The following TRABD2B variants were observed in gnomAD, a reference collection of about 807,000 sequenced individuals.
TRABD2B encodes metalloprotease TIKI2.
Under a neutral mutation model 40.1 loss-of-function variants are expected in TRABD2B, and 14 were observed. That is an observed-to-expected ratio of 0.35 (90% confidence interval 0.23 to 0.55). TRABD2B has a LOEUF of 0.55. Among genes scored for constraint, TRABD2B ranks in the 20% least tolerant of loss-of-function variants. The probability of loss-of-function intolerance (pLI) is 0.90; values close to 1 mark genes in which losing one functional copy is unlikely to be tolerated. For synonymous variants in TRABD2B, 263 were observed against 277.0 expected, an observed-to-expected ratio of 0.95 and a Z score of 0.50; for missense variants, 541 against 648.6, an observed-to-expected ratio of 0.83 and a Z score of 1.80.
chr1:47,776,609 T>G (rs59616637), intron 5 of TRABD2B, among the ~76,000 whole-genome samples: 3,034 of 152,250 alleles, frequency 0.02, 99 homozygotes, highest in African/African-American at 0.068. Flanking sequence ...TTTTATTCTT[T>G]CCTCTCCATG....
intron 2 of TRABD2B, among the ~76,000 whole-genome samples, chr1:47,951,108 T>C (rs1477937862): frequency 6.6e-6 from 1 of 152,180 alleles, no homozygotes; most frequent in African/African-American, 2.4e-5. Context: ...GCTGGACTGA[T>C]GGGCTGAGAC....
Position 47,994,680 on chromosome 1 carries a change from G to A in TRABD2B, c.103-83C>T. ...GGTAGCCCAGAGGCACGTTGCAGAG[G>A]GAGGTGGGGATGGGAGGCAGAGACC... On this transcript the variant is annotated intron_variant, in intron 1 of 6. Coordinates refer to ENST00000606738, the MANE Select transcript of TRABD2B (RefSeq NM_001194986.2). The surrounding 1 kb of genome is among the most constrained non-coding windows in gnomAD (Gnocchi z 6.7). 1.6e-6 allele frequency: 2 copies of A among 1,288,128 alleles called. No homozygotes were observed. The highest frequency in any genetic ancestry group is 2.9e-5 in the South Asian group (2 of 68,490). The allele number at this position is 1,288,128 out of a possible 1,614,324, so 79.8% of individuals were successfully genotyped here. A position where few individuals can be genotyped will look rare whatever the true frequency, so the allele number is the denominator to read the frequency against.
chr1:47,809,645 C>A (rs1233250844), intron 2 of TRABD2B, among the ~76,000 whole-genome samples: 1 of 152,228 alleles, frequency 6.6e-6, no homozygotes, highest in Non-Finnish European at 1.5e-5. Flanking sequence ...CTTGCCCCAT[C>A]GGCAGCACCA....
chr1:47,941,131 C>A (rs1383259596), intron 2 of TRABD2B, among the ~76,000 whole-genome samples: 1 of 152,216 alleles, frequency 6.6e-6, no homozygotes, highest in African/African-American at 2.4e-5. Flanking sequence ...ACCTCTGAGA[C>A]TCTCACCCTG....
chr1:47,801,811 G>A (rs1171919896), intron 2 of TRABD2B, among the ~76,000 whole-genome samples, 192 bp from the exon 3 acceptor site: 4 of 152,178 alleles, frequency 2.6e-5, no homozygotes, highest in African/African-American at 7.2e-5. Flanking sequence ...AGCACGTTCA[G>A]CCTGCTCTCA....
Position 47,867,146 on chromosome 1 carries a change from A to G in TRABD2B, c.667-65527T>C, listed in dbSNP as rs535067983. 3.3e-5 allele frequency among the ~76,000 whole-genome samples: 5 copies of G among 152,360 alleles called. No individual in the cohort carries two copies. The East Asian group carries it at 9.6e-4, about 29-fold the overall frequency. ...TTGGCTGTCATGTTTGCAGTGGCAC[A>G]TCTGCTTACACATGAGAAAACATGG... is the stretch of plus-strand genomic sequence containing the variant. On this transcript the variant is annotated intron_variant, in intron 2 of 6. Coordinates refer to ENST00000606738, the MANE Select transcript of TRABD2B (RefSeq NM_001194986.2).
At chr1:47,871,566 G>A (rs1644141365) in intron 2 of TRABD2B, among the ~76,000 whole-genome samples, 1 of 152,158 alleles carries the variant, frequency 6.6e-6, no homozygotes, top group African/African-American at 2.4e-5. Flanking sequence ...TCTGTGGGCT[G>A]GTTCCTGCAA....
At chr1:47,779,044 C>T (rs1423177641) in intron 4 of TRABD2B, among the ~76,000 whole-genome samples, 1 of 152,190 alleles carries the variant, frequency 6.6e-6, no homozygotes, top group African/African-American at 2.4e-5. Flanking sequence ...GCAACTCAGG[C>T]CTCCCTCCTT....
chr1:47,830,387 C>A (rs1270803440), intron 2 of TRABD2B, among the ~76,000 whole-genome samples: 1 of 152,210 alleles, frequency 6.6e-6, no homozygotes, highest in Non-Finnish European at 1.5e-5. Flanking sequence ...GCATTTGCTA[C>A]CAAGAAATGA....
intron 2 of TRABD2B, among the ~76,000 whole-genome samples, chr1:47,913,091 G>C (rs1014172841): frequency 2.6e-5 from 4 of 152,146 alleles, no homozygotes; most frequent in Non-Finnish European, 4.4e-5. Context: ...TCCATGCTCT[G>C]TAGCCCTCTC....
intron 4 of TRABD2B, among the ~76,000 whole-genome samples, chr1:47,794,218 T>C (rs1008853716): frequency 1.3e-5 from 2 of 152,176 alleles, no homozygotes; most frequent in Non-Finnish European, 2.9e-5. Flanking sequence ...CCTCTCCCTC[T>C]GGGGCCACAT....
At chr1:47,846,476 G>A (rs1456206710) in intron 2 of TRABD2B, among the ~76,000 whole-genome samples, 2 of 152,208 alleles carry the variant, frequency 1.3e-5, no homozygotes, top group African/African-American at 4.8e-5. Flanking sequence ...TATGACCATA[G>A]CTGGGGCTGT....
intron 2 of TRABD2B, among the ~76,000 whole-genome samples, chr1:47,870,502 T>A (rs966416110): frequency 6.6e-6 from 1 of 152,172 alleles, no homozygotes; most frequent in African/African-American, 2.4e-5. Flanking sequence ...CACCCACCTA[T>A]GTCTGTCTGT....
chr1:47,919,556 G>A (rs1183822005), intron 2 of TRABD2B, among the ~76,000 whole-genome samples: 1 of 152,242 alleles, frequency 6.6e-6, no homozygotes, highest in Non-Finnish European at 1.5e-5. Flanking sequence ...GCTGACTGTG[G>A]GGAAATCAGC....
At position 47,817,409 on chromosome 1, in the gene TRABD2B, G is replaced by C. The variant is rs548688072; in HGVS notation, c.667-15790C>G. 3.3e-5 allele frequency among the ~76,000 whole-genome samples: 5 copies of C among 152,076 alleles called. No homozygotes were observed. The East Asian group carries it at 9.8e-4, about 30-fold the overall frequency. On this transcript the variant is annotated intron_variant, in intron 2 of 6. Transcript: ENST00000606738. ...GGGGGCCCTGAAACGGTGCGTCCAG[G>C]GGTCCTCAGCTGTGGAACCTCCCTT...
At chr1:47,781,421 T>A (rs1031456275) in intron 4 of TRABD2B, among the ~76,000 whole-genome samples, 2 of 152,156 alleles carry the variant, frequency 1.3e-5, no homozygotes, top group African/African-American at 4.8e-5. Flanking sequence ...GAGGAGACAC[T>A]TAGAGGGCCC....
chr1:47,862,698 T>C (rs1263940178), intron 2 of TRABD2B, among the ~76,000 whole-genome samples: 1 of 152,120 alleles, frequency 6.6e-6, no homozygotes, highest in African/African-American at 2.4e-5. Context: ...CTAATCAAAA[T>C]CCCACCAAGT....
At chr1:47,811,574 T>G (rs940191372) in intron 2 of TRABD2B, among the ~76,000 whole-genome samples, 1 of 152,170 alleles carries the variant, frequency 6.6e-6, no homozygotes, top group African/African-American at 2.4e-5. Context: ...GCCACCCACA[T>G]GATGAGATTA....
intron 2 of TRABD2B, among the ~76,000 whole-genome samples, chr1:47,929,127 T>C (rs1645006975): frequency 6.6e-6 from 1 of 152,212 alleles, no homozygotes; most frequent in Admixed American, 6.5e-5. Context: ...TCAGCCTAGA[T>C]GTTAATTTAG....
Sources: gnomAD v4.1 joint callset for allele counts (sites outside exome capture counted in the v4.1 genomes callset) on GRCh38, gnomAD v4.1.1 for gene constraint, Gnocchi (gnomAD v3.1) non-coding constraint, MANE v1.5 for transcripts, NCBI Gene and HGNC (gene_info 2026-07-23, HGNC 2026-07-21) for gene names.